KANSL1: variants seen among roughly 807,000 people sequenced by gnomAD.
The protein encoded by KANSL1 is KAT8 regulatory NSL complex subunit 1.
Under a neutral mutation model 103.6 loss-of-function variants are expected in KANSL1, and 22 were observed. The observed-to-expected ratio is 0.21, with a 90% CI of 0.15 to 0.30. The LOEUF (loss-of-function observed/expected upper bound fraction) is 0.30. KANSL1 is among the 10% of genes least tolerant of loss of function. The pLI, the probability that KANSL1 is intolerant of heterozygous loss-of-function variation, is 1.00. For synonymous variants in KANSL1, 600 were observed against 527.6 expected (o/e 1.14, Z -1.88); for missense variants, 1,337 against 1,399.8 (o/e 0.96, Z 0.72).
intron 6 of KANSL1, among the ~76,000 whole-genome samples, chr17:46,052,656 T>C (rs947399423): frequency 4.6e-5 from 7 of 150,886 alleles, no homozygotes; most frequent in African/African-American, 1.5e-4. Context: ...AAAAATTCAA[T>C]AGATGTGGCT....
At chr17:46,105,617 A>AAAAAC (rs376202466) in intron 2 of KANSL1, among the ~76,000 whole-genome samples, 1 of 151,914 alleles carries the variant, frequency 6.6e-6, no homozygotes. Context: ...CCCTGTCTCA[A>AAAAAC]AAAAACAAAA....
intron 3 of KANSL1, chr17:46,093,418 A>G (rs1390883577): frequency 4.6e-5 from 7 of 152,574 alleles, no homozygotes; most frequent in Non-Finnish European, 8.8e-5. Context: ...TAAGAATAAA[A>G]AAGTGAGCCC....
intron 2 of KANSL1, among the ~76,000 whole-genome samples, chr17:46,122,472 T>C (rs906164322): frequency 1.3e-5 from 2 of 152,236 alleles, no homozygotes; most frequent in African/African-American, 4.8e-5. Flanking sequence ...ATCATATTCC[T>C]AACAAAAGTA....
intron 2 of KANSL1, among the ~76,000 whole-genome samples, chr17:46,111,852 T>C (rs961650458): frequency 3.9e-5 from 6 of 152,210 alleles, no homozygotes; most frequent in Admixed American, 1.3e-4. Flanking sequence ...GGAGGCATTC[T>C]TAAAGAACAG....
chr17:46,191,827 G>A (rs992461957), intron 1 of KANSL1, among the ~76,000 whole-genome samples: 1 of 152,222 alleles, frequency 6.6e-6, no homozygotes, highest in Non-Finnish European at 1.5e-5. Flanking sequence ...GAATGGAGGG[G>A]AGGGAGGCGA....
intron 2 of KANSL1, among the ~76,000 whole-genome samples, chr17:46,166,988 C>A (rs2046033436): frequency 6.7e-6 from 1 of 149,296 alleles, no homozygotes; most frequent in Non-Finnish European, 1.5e-5. Flanking sequence ...TCAAGATAAG[C>A]CTAGAGTAAC....
At position 46,081,587 on chromosome 17, in the gene KANSL1, C is replaced by T. The variant is rs1361765828; in HGVS notation, c.1533+854G>A. On this transcript the variant is annotated intron_variant, in intron 4 of 14. Transcript: ENST00000432791. ...GATCTTTCCAAGATCTAAACATCTC[C>T]AATATCTGCCTCAGAGAAAATTTAG... Among the ~76,000 whole-genome samples the T allele has an allele frequency of 1.1e-4, 16 of 152,306 alleles. No individual in the cohort carries two copies. The East Asian group carries it at 2.9e-3, about 28-fold the overall frequency.
chr17:46,137,420 G>T (rs1304711125), intron 2 of KANSL1, among the ~76,000 whole-genome samples: 1 of 152,108 alleles, frequency 6.6e-6, no homozygotes, highest in Non-Finnish European at 1.5e-5. Flanking sequence ...GATTTAGTTA[G>T]CATCCTCAAA....
At position 46,189,316 on chromosome 17, in the gene KANSL1, T is replaced by C. The variant is rs932716988; in HGVS notation, c.-90+3507A>G. ...AGACAACCACTTATTCAGTTTACCC[T>C]AGTCCCTCCCCTCTAAACTCAAGGA... On this transcript the variant is annotated intron_variant, in intron 1 of 14. Transcript: ENST00000432791. Among the ~76,000 whole-genome samples the C allele has an allele frequency of 5.9e-5, 9 of 152,280 alleles. No homozygotes were observed. The South Asian group carries it at 1.9e-3, about 32-fold the overall frequency.
At chr17:46,183,891 C>T (rs971505705) in intron 1 of KANSL1, among the ~76,000 whole-genome samples, 7 of 152,094 alleles carry the variant, frequency 4.6e-5, no homozygotes, top group Admixed American at 6.5e-5. Context: ...CCAGCGTAGG[C>T]GACAGAATGA....
intron 2 of KANSL1, among the ~76,000 whole-genome samples, chr17:46,134,036 G>A (rs2043999246): frequency 6.6e-6 from 1 of 152,192 alleles, no homozygotes; most frequent in Non-Finnish European, 1.5e-5. Flanking sequence ...TCATGAGGAA[G>A]GATGGGGATG....
chr17:46,196,259 A>G, upstream of KANSL1: 1 of 444,566 alleles, frequency 2.2e-6, no homozygotes. Context: ...ATAAAAAAAT[A>G]AAAACACCAA....
rs142920363 is a variant in KANSL1 at position 46,191,108 on chromosome 17, C to G, written c.-90+1715G>C. Among the ~76,000 whole-genome samples, 3 of 152,098 alleles carry G rather than the reference C, an allele frequency of 2.0e-5. No individual in the cohort carries two copies. The East Asian group carries it at 5.8e-4, about 29-fold the overall frequency. On this transcript the variant is annotated intron_variant, in intron 1 of 14. Transcript: ENST00000432791. Reference sequence around the variant, plus strand: ...TGTCTAGTAACCTATGTAGAAAAAACCAGAAATGTACTTCGTATTTTATAA... The same window carrying G: ...TGTCTAGTAACCTATGTAGAAAAAAGCAGAAATGTACTTCGTATTTTATAA...
chr17:46,168,372 G>A (rs1036734010), intron 2 of KANSL1, among the ~76,000 whole-genome samples: 13 of 149,538 alleles, frequency 8.7e-5, no homozygotes, highest in Non-Finnish European at 1.9e-4. Context: ...TTTTTGAGAC[G>A]GAGTTTCGCT....
chr17:46,176,691 TAAA>T (rs56676109), intron 1 of KANSL1, among the ~76,000 whole-genome samples: 2 of 141,652 alleles, frequency 1.4e-5, no homozygotes, highest in Admixed American at 7.0e-5. Context: ...GACTCCATCT[TAAA>T]AAAAAAAAAA....
chr17:46,044,453 T>C (rs886719037), intron 7 of KANSL1: 5 of 152,256 alleles, frequency 3.3e-5, no homozygotes, highest in African/African-American at 9.6e-5. Context: ...TTCTTCCTCC[T>C]GCTGGGAAGT....
In KANSL1 at chr17:46,031,158, G is replaced by A. The variant is rs865959422; in HGVS notation, c.*318C>T. 1 of 417,104 alleles carries A rather than the reference G, an allele frequency of 2.4e-6. No individual in the cohort carries two copies. The highest frequency in any genetic ancestry group is 4.1e-5 in the East Asian group (1 of 24,260). 25.8% of individuals were successfully genotyped at this position (417,104 alleles called of 1,614,324 possible). ...TGCCCTGCCCACAGGTGTGAGGGAG[G>A]GGGTGGTCATCTAAGATCAGTAAGT... On this transcript the variant is annotated 3_prime_UTR_variant, in exon 15 of 15. Coordinates refer to ENST00000432791, the MANE Select transcript of KANSL1 (RefSeq NM_015443.4).
intron 1 of KANSL1, among the ~76,000 whole-genome samples, chr17:46,175,667 C>A (rs1404349330): frequency 1.3e-5 from 2 of 152,060 alleles, no homozygotes; most frequent in South Asian, 2.1e-4. Flanking sequence ...ATTATTAACA[C>A]CAAAAGTTTC....
intron 2 of KANSL1, among the ~76,000 whole-genome samples, chr17:46,097,826 AAAG>A (rs1167792194): frequency 6.6e-6 from 1 of 150,458 alleles, no homozygotes. Flanking sequence ...CAAAAATAAA[AAAG>A]AACAAATCTG....
Sources: gnomAD v4.1 joint callset for allele counts (sites outside exome capture counted in the v4.1 genomes callset) on GRCh38, gnomAD v4.1.1 for gene constraint, MANE v1.5 for transcripts, NCBI Gene and HGNC (gene_info 2026-07-23, HGNC 2026-07-21) for gene names.